Variants in C2 observed in about 807,000 individuals in gnomAD.
C2 encodes C3/C5 convertase.
A neutral mutation model predicts 85.2 loss-of-function variants in C2; 64 were observed. The ratio of observed to expected loss-of-function variants is 0.75; its 90% CI spans 0.61 to 0.92. The LOEUF (loss-of-function observed/expected upper bound fraction) is 0.92, where lower values mean the gene tolerates loss of function less well. Among genes scored for constraint, C2 ranks in the 40% least tolerant of loss-of-function variants. The pLI is 0.00. For synonymous variants in C2, 311 were observed against 370.8 expected (o/e 0.84, Z 1.85); for missense variants, 820 against 971.6 (o/e 0.84, Z 2.07).
chr6:31,933,115 G>A (rs141595760), intron 3 of C2, among the ~76,000 whole-genome samples: 1,661 of 152,288 alleles, frequency 0.011, 10 homozygotes, highest in African/African-American at 0.014. Flanking sequence ...GGAAAGAGAG[G>A]GAGAGGGAGA....
In C2 at chr6:31,944,117, C is replaced by T. The variant is rs746085842; in HGVS notation, c.1811-18C>T. On this transcript the variant is annotated intron_variant, in intron 14 of 17. Coordinates refer to ENST00000299367, the MANE Select transcript of C2 (RefSeq NM_000063.6). This position sits in a 1 kb window ranked among gnomAD's most constrained non-coding sequence, Gnocchi z 5.1. ...GGGTAAAAGGACCAGCACCAACATC[C>T]CCTTCTCTTGACTATAGAGAATGAA... The T allele has an allele frequency of 1.0e-4, 165 of 1,601,054 alleles. No homozygotes were observed. The highest frequency in any genetic ancestry group is 1.3e-4 in the Non-Finnish European group (154 of 1,169,244).
chr6:31,938,816 G>A (rs1334485346), intron 8 of C2, among the ~76,000 whole-genome samples: 1 of 152,144 alleles, frequency 6.6e-6, no homozygotes, highest in Non-Finnish European at 1.5e-5. Flanking sequence ...ACCACACCCG[G>A]CTAATTTTGT....
intron 8 of C2, 148 bp downstream of exon 8, chr6:31,937,607 C>A: frequency 1.1e-6 from 1 of 924,142 alleles, no homozygotes; most frequent in Non-Finnish European, 1.7e-6. Flanking sequence ...TGCTATGTTG[C>A]CCAGCTGATC....
At chr6:31,918,536 A>T (rs1315695055), upstream of C2, among the ~76,000 whole-genome samples, 5 of 151,942 alleles carry the variant, frequency 3.3e-5, no homozygotes, top group African/African-American at 1.2e-4. Context: ...TTGTGGTTAC[A>T]GTGAGCTGTG....
intron 3 of C2, among the ~76,000 whole-genome samples, chr6:31,929,989 G>A (rs1473809099): frequency 4.0e-5 from 6 of 151,638 alleles, no homozygotes; most frequent in African/African-American, 1.5e-4. Context: ...TCCAGCCTGG[G>A]TGACAGAGTG....
upstream of C2, chr6:31,900,319 G>A (rs1330532436): frequency 6.8e-6 from 11 of 1,611,604 alleles, no homozygotes; most frequent in African/African-American, 2.7e-5. This position sits in a 1 kb window ranked among gnomAD's most constrained non-coding sequence, Gnocchi z 9.7. Flanking sequence ...TGTTCTTTAA[G>A]GGGTTTCCAC....
intron 9 of C2, among the ~76,000 whole-genome samples, chr6:31,939,778 AT>A (rs1441358620): frequency 6.6e-6 from 1 of 151,964 alleles, no homozygotes; most frequent in Admixed American, 6.6e-5. Context: ...TTTAAAATTA[AT>A]TTTTAAATTT....
At chr6:31,907,430 A>G (rs1164448762) in intron 1 of C2, among the ~76,000 whole-genome samples, 1 of 151,474 alleles carries the variant, frequency 6.6e-6, no homozygotes, top group Non-Finnish European at 1.5e-5. Context: ...CAGAAAAAAA[A>G]AAAATAGCTG....
Position 31,943,327 on chromosome 6 carries a change from G to A in C2, c.1455+8G>A, listed in dbSNP as rs1252134539. The stretch of plus-strand genomic sequence containing the variant: ...TGGCATGTCACTATTAAGGTACCAG[G>A]AAGGAGGGGCAGGGCTTGGATTCCA... On this transcript the variant is annotated splice_region_variant and intron_variant, in intron 11 of 17. Coordinates refer to ENST00000299367, the MANE Select transcript of C2 (RefSeq NM_000063.6). The surrounding 1 kb of genome is among the most constrained non-coding windows in gnomAD (Gnocchi z 6.4). The A allele has an allele frequency of 1.9e-6, 3 of 1,612,376 alleles. No individual in the cohort carries two copies. The highest frequency in any genetic ancestry group is 2.5e-6 in the Non-Finnish European group (3 of 1,179,488).
chr6:31,903,169 C>G (rs1767488556), intron 1 of C2, among the ~76,000 whole-genome samples: 1 of 152,212 alleles, frequency 6.6e-6, no homozygotes. Context: ...GCCACTGTTT[C>G]CTGCCAATTG....
chr6:31,942,214 G>A (rs1770946496), intron 9 of C2, among the ~76,000 whole-genome samples: 1 of 148,380 alleles, frequency 6.7e-6, no homozygotes, highest in Non-Finnish European at 1.5e-5. Flanking sequence ...ACCGCCTCCT[G>A]GTGATTACAG....
At chr6:31,903,701 C>T (rs1767536651) in intron 1 of C2, among the ~76,000 whole-genome samples, 1 of 152,092 alleles carries the variant, frequency 6.6e-6, no homozygotes, top group Non-Finnish European at 1.5e-5. Context: ...CAGCCAGCAT[C>T]CACCCATAAA....
In C2 at chr6:31,943,437, C is replaced by CG. The variant is rs752447090; in HGVS notation, c.1483dup (p.Ala495GlyfsTer42). 1.2e-6 allele frequency: 2 copies of CG among 1,613,004 alleles called. No individual in the cohort carries two copies. Among genetic ancestry groups the CG allele is most frequent in the Non-Finnish European group, 8.5e-7 (1 of 1,180,012 alleles). ...GCAGCCCAAGAGCCAAGAGACCTGC[C>CG]GGGGGGCCCTCATCTCCGACCAATG... On this transcript the variant is annotated frameshift_variant, in exon 12 of 18. Transcript: ENST00000299367. LOFTEE classifies it high-confidence loss of function. This position sits in a 1 kb window ranked among gnomAD's most constrained non-coding sequence, Gnocchi z 6.4.
chr6:31,916,732 G>A (rs1039062502), upstream of C2, among the ~76,000 whole-genome samples: 3 of 144,322 alleles, frequency 2.1e-5, no homozygotes, highest in African/African-American at 7.8e-5. Context: ...GGTTGACTCT[G>A]GGCATTAGTT....
chr6:31,935,956 A>C lies in C2; in HGVS notation c.883A>C (p.Ile295Leu), dbSNP rs1582096360. Residue 295 changes from isoleucine to leucine, a missense_variant, in exon 7 of 18, where the codon ATT (isoleucine) becomes CTT (leucine). Physicochemically the swap from Ile to Leu is conservative, Grantham distance 5. Coordinates refer to ENST00000299367, the MANE Select transcript of C2 (RefSeq NM_000063.6). This position sits in a 1 kb window ranked among gnomAD's most constrained non-coding sequence, Gnocchi z 4.3. ...CTTTGAGATCAATGTGAGCGTTGCC[A>C]TTATCACCTTTGCCTCAGAGCCCAA... ...FSFEINVSVA[I>L]ITFASEPKVL... is the part of the protein sequence containing the mutation. The C allele has an allele frequency of 1.9e-6, 3 of 1,612,886 alleles. No individual in the cohort carries two copies. Among genetic ancestry groups the C allele is most frequent in the African/African-American group, 2.7e-5 (2 of 74,910 alleles).
chr6:31,902,797 A>T (rs944465229), intron 1 of C2, among the ~76,000 whole-genome samples: 1 of 152,162 alleles, frequency 6.6e-6, no homozygotes, highest in Non-Finnish European at 1.5e-5. Flanking sequence ...CTTCTTGCCA[A>T]GGCAGTCGCC....
upstream of C2, chr6:31,927,463 C>T (rs1472231521): frequency 1.4e-5 from 19 of 1,405,906 alleles, no homozygotes; most frequent in Admixed American, 1.2e-4. This position sits in a 1 kb window ranked among gnomAD's most constrained non-coding sequence, Gnocchi z 4.7. Flanking sequence ...CACATGTGCA[C>T]GCATGGGTGG....
At chr6:31,937,688 C>T (rs985687231) in intron 8 of C2, among the ~76,000 whole-genome samples, 2 of 150,608 alleles carry the variant, frequency 1.3e-5, no homozygotes, top group Admixed American at 6.6e-5. Flanking sequence ...GCATGAGCCA[C>T]CACACCTGGC....
intron 1 of C2, chr6:31,901,392 C>T: frequency 1.4e-6 from 2 of 1,407,892 alleles, no homozygotes; most frequent in Non-Finnish European, 1.9e-6. Flanking sequence ...CTCCAGGACC[C>T]TCGCCCCCAT....
Sources: allele counts gnomAD v4.1 joint callset (sites outside exome capture counted in the v4.1 genomes callset), GRCh38; gene constraint gnomAD v4.1.1; non-coding constraint Gnocchi (gnomAD v3.1); transcripts MANE v1.5; gene names NCBI Gene and HGNC (gene_info 2026-07-23, HGNC 2026-07-21).